Variants in SLC34A2 observed in about 807,000 individuals in gnomAD.
The protein encoded by SLC34A2 is sodium-dependent phosphate transport protein 2B.
A neutral mutation model predicts 50.8 loss-of-function variants in SLC34A2; 41 were observed. That is an observed-to-expected ratio of 0.81 (90% CI 0.63 to 1.05). The LOEUF is 1.05. Among genes scored for constraint, SLC34A2 ranks in the 50% least tolerant of loss-of-function variants. The pLI is 0.00. For missense variants in SLC34A2, 879 were observed against 876.7 expected, an observed-to-expected ratio of 1.00 and a Z score of -0.03; for synonymous variants, 401 against 364.2, an observed-to-expected ratio of 1.10 and a Z score of -1.15.
intron 10 of SLC34A2, 28 bp downstream of exon 10, chr4:25,673,282 C>T (rs746557179): frequency 7.5e-6 from 6 of 795,576 alleles, no homozygotes; most frequent in East Asian, 8.0e-5. Context: ...ACTTGTAGGC[C>T]TCACATGTAG....
Position 25,676,458 on chromosome 4 carries a change from G to T in SLC34A2, c.1782G>T (p.Pro594=). The T allele has an allele frequency of 1.2e-6, 2 of 1,614,186 alleles. No individual in the cohort carries two copies. The highest frequency in any genetic ancestry group is 2.7e-5 in the African/African-American group (2 of 75,040). ...AACTCCAGAACTGGAACTTCCTGCC[G>T]CTGTGGATGCGCTCGCTGAAGCCCT... ...PKKLQNWNFL[P]LWMRSLKPWD... Residue 594 remains proline, a synonymous_variant, in exon 13 of 13, where the codon CCG becomes CCT. Coordinates refer to ENST00000382051, the MANE Select transcript of SLC34A2 (RefSeq NM_006424.3).
chr4:25,662,729 C>T lies in SLC34A2; in HGVS notation c.137C>T (p.Thr46Ile). 2 of 1,614,124 alleles carry T rather than the reference C, an allele frequency of 1.2e-6. No individual in the cohort carries two copies. Among genetic ancestry groups the T allele is most frequent in the Non-Finnish European group, 1.7e-6 (2 of 1,180,028 alleles). Residue 46 changes from threonine to isoleucine, a missense_variant, in exon 3 of 13, where the codon ACC becomes ATC. Transcript: ENST00000382051. The stretch of plus-strand genomic sequence containing the variant: ...GCAGATAACACTGAGGCACCTGTAA[C>T]CAAGATTGAACTTCTGCCGTCCTAC... ...NKTDNTEAPV[T>I]KIELLPSYST...
chr4:25,668,640 T>TCAAAA (rs541385518), intron 6 of SLC34A2, among the ~76,000 whole-genome samples: 1 of 141,418 alleles, frequency 7.1e-6, no homozygotes, highest in African/African-American at 2.6e-5. Context: ...AGACTCCATC[T>TCAAAA]AAAAAAAAAA....
chr4:25,665,163 C>CTTTTT (rs10676891), intron 4 of SLC34A2: 6 of 127,434 alleles, frequency 4.7e-5, no homozygotes, highest in African/African-American at 1.5e-4. Context: ...CTGGACATTG[C>CTTTTT]TTTTTTTTTT....
intron 3 of SLC34A2, among the ~76,000 whole-genome samples, chr4:25,663,785 A>G (rs1381041310): frequency 6.6e-6 from 1 of 152,198 alleles, no homozygotes; most frequent in Non-Finnish European, 1.5e-5. Flanking sequence ...GTGCAGCTGC[A>G]TTCTAGAAAA....
chr4:25,676,901 T>A lies in SLC34A2; in HGVS notation c.*152T>A, dbSNP rs1423104029. 3 of 991,834 alleles carry A rather than the reference T, an allele frequency of 3.0e-6. No homozygotes were observed. The highest frequency in any genetic ancestry group is 2.8e-6 in the Non-Finnish European group (2 of 719,150). 61.4% of individuals were successfully genotyped at this position (991,834 alleles called of 1,614,324 possible). ...CAGTCCTACCTAACTCGATTCCCTT[T>A]GGCTTGGTGGTAGGCCTGCAGGGCA... On this transcript the variant is annotated 3_prime_UTR_variant, in exon 13 of 13. Transcript: ENST00000382051.
chr4:25,676,860 G>T lies in SLC34A2; in HGVS notation c.*111G>T. ...CCTCGAGGAGATTTGCTCCCCATTA[G>T]CGAATGAAATTGATGCAGTCCTACC... is the stretch of plus-strand genomic sequence containing the variant. On this transcript the variant is annotated 3_prime_UTR_variant, in exon 13 of 13. Coordinates refer to ENST00000382051, the MANE Select transcript of SLC34A2 (RefSeq NM_006424.3). 6.7e-7 allele frequency: 1 copy of T among 1,490,762 alleles called. No individual in the cohort carries two copies. Among genetic ancestry groups the T allele is most frequent in the South Asian group, 1.2e-5 (1 of 83,988 alleles). 92.3% of individuals were successfully genotyped at this position (1,490,762 alleles called of 1,614,324 possible).
rs778435287 is a variant in SLC34A2, at chr4:25,674,406, C to T, written c.1327C>T (p.Leu443=). 6 of 1,614,224 alleles carry T rather than the reference C, an allele frequency of 3.7e-6. No individual in the cohort carries two copies. The highest frequency in any genetic ancestry group is 3.3e-5 in the South Asian group (3 of 91,090). ...SSVFTSALTP[L]IGIGVITIER... is the part of the protein sequence containing the mutation. ...TGTGTTCACGTCGGCCTTGACCCCC[C>T]TGATTGGTGAGTTACACCCTGGCTT... is the stretch of plus-strand genomic sequence containing the variant. Residue 443 remains leucine (L), a synonymous_variant, in exon 11 of 13, where the codon CTG becomes TTG. Transcript: ENST00000382051.
At chr4:25,673,339 G>A (rs1714926147) in intron 10 of SLC34A2, 85 bp downstream of exon 10, 9 of 1,243,980 alleles carry the variant, frequency 7.2e-6, no homozygotes, top group South Asian at 2.4e-5. Context: ...TCTAGCAATG[G>A]CCTCTGCATG....
Position 25,676,703 on chromosome 4 carries a change from G to T in SLC34A2, c.2027G>T (p.Gly676Val). ...ATAACCATTAGCAGAGAGGCTCAGGGTGAGGTCCCTGCCTCGGACTCAAAG... is the reference window on the plus strand; with the variant it reads ...ATAACCATTAGCAGAGAGGCTCAGGTTGAGGTCCCTGCCTCGGACTCAAAG... ...DNITISREAQ[G>V]EVPASDSKTE... The change falls in exon 13 of 13, where the codon GGT becomes GTT. Residue 676 changes from glycine to valine, a missense_variant. Gly to Val is a moderately radical substitution (Grantham distance 109, BLOSUM62 -3). Coordinates refer to ENST00000382051, the MANE Select transcript of SLC34A2 (RefSeq NM_006424.3). The T allele has an allele frequency of 3.7e-6, 6 of 1,614,188 alleles. No individual in the cohort carries two copies. The highest frequency in any genetic ancestry group is 5.1e-6 in the Non-Finnish European group (6 of 1,180,018).
rs1553854577 is a variant in SLC34A2 at position 25,668,655 on chromosome 4, A to AT, written c.635+664_635+665insT. On this transcript the variant is annotated intron_variant, in intron 6 of 12. Coordinates refer to ENST00000382051, the MANE Select transcript of SLC34A2 (RefSeq NM_006424.3). The stretch of plus-strand genomic sequence containing the variant: ...AGACTCCATCTAAAAAAAAAAAAAA[A>AT]AATAAATAAATACTGTTTTGTTTGG... Among the ~76,000 whole-genome samples, 44 of 145,604 alleles carry AT rather than the reference A, an allele frequency of 3.0e-4. 1 individual carries two copies. Among genetic ancestry groups the AT allele is most frequent in the African/African-American group, 1.0e-3 (40 of 38,312 alleles).
intron 1 of SLC34A2, among the ~76,000 whole-genome samples, chr4:25,658,889 C>A (rs1460060655): frequency 2.6e-5 from 4 of 151,088 alleles, no homozygotes; most frequent in South Asian, 2.1e-4. Flanking sequence ...CTGCCTGCAC[C>A]ATTTAATACC....
Position 25,664,242 on chromosome 4 carries a change from G to A in SLC34A2, c.291G>A (p.Gly97=), listed in dbSNP as rs777508093. The A allele has an allele frequency of 6.2e-7, 1 of 1,612,942 alleles. No homozygotes were observed. Among genetic ancestry groups the A allele is most frequent in the Non-Finnish European group, 8.5e-7 (1 of 1,179,110 alleles). ...GGAAGATTCTCTGTTTCTTCCAAGGGATTGGGAGATTGATTTTACTTCTCG... is the reference window on the plus strand; with the variant it reads ...GGAAGATTCTCTGTTTCTTCCAAGGAATTGGGAGATTGATTTTACTTCTCG... ...TKGKILCFFQ[G]IGRLILLLGF... is the part of the protein sequence containing the mutation. The change falls in exon 4 of 13, where the codon GGG becomes GGA. Residue 97 remains glycine (G), a synonymous_variant. Transcript: ENST00000382051.
Position 25,664,211 on chromosome 4 carries a change from C to A in SLC34A2, c.260C>A (p.Thr87Asn). The change falls in exon 4 of 13, where the codon ACC (threonine) becomes AAC (asparagine). Residue 87 changes from threonine (T) to asparagine (N), a missense_variant. Thr to Asn is a moderately conservative substitution (Grantham distance 65). Coordinates refer to ENST00000382051, the MANE Select transcript of SLC34A2 (RefSeq NM_006424.3). ...DSGIKWSERDTKGKILCFFQG... is the reference protein window; with the variant it reads ...DSGIKWSERDNKGKILCFFQG... ...TCCCACCCCCCTGCAGAGAGAGACA[C>A]CAAAGGGAAGATTCTCTGTTTCTTC... 1 of 1,611,206 alleles carries A rather than the reference C, an allele frequency of 6.2e-7. No individual in the cohort carries two copies. Among genetic ancestry groups the A allele is most frequent in the East Asian group, 2.2e-5 (1 of 44,810 alleles).
intron 10 of SLC34A2, among the ~76,000 whole-genome samples, chr4:25,673,561 C>CA (rs1482319764): frequency 6.6e-6 from 1 of 152,088 alleles, no homozygotes; most frequent in African/African-American, 2.4e-5. Context: ...CTGGCTCTGT[C>CA]AAGACCCCTT....
At chr4:25,665,679 G>C (rs1714458901) in intron 4 of SLC34A2, among the ~76,000 whole-genome samples, 1 of 151,062 alleles carries the variant, frequency 6.6e-6, no homozygotes, top group East Asian at 2.0e-4. Flanking sequence ...AGGGTGGATA[G>C]AGAGATCTAC....
At chr4:25,667,232 C>T (rs952170012) in intron 5 of SLC34A2, 2 of 153,116 alleles carry the variant, frequency 1.3e-5, no homozygotes, top group African/African-American at 4.8e-5. Flanking sequence ...TGCTTCCTGG[C>T]TGGGCCTAGT....
intron 4 of SLC34A2, among the ~76,000 whole-genome samples, chr4:25,665,436 G>A (rs1283147901): frequency 6.6e-6 from 1 of 152,044 alleles, no homozygotes; most frequent in African/African-American, 2.4e-5. Context: ...CCGAAGTGCT[G>A]GGATTACAGG....
At position 25,676,097 on chromosome 4, in the gene SLC34A2, C is replaced by T. The variant is rs781079283; in HGVS notation, c.1459-38C>T. On this transcript the variant is annotated intron_variant, in intron 12 of 12. Transcript: ENST00000382051. Reference sequence around the variant, plus strand: ...CCTCCCTACTGCCACCCGCATTGGGCAACAGGCCCCTCACCTGTCCAACCT... The same window carrying T: ...CCTCCCTACTGCCACCCGCATTGGGTAACAGGCCCCTCACCTGTCCAACCT... 98 of 1,612,226 alleles carry T rather than the reference C, an allele frequency of 6.1e-5. 2 individuals carry two copies. The highest frequency in any genetic ancestry group is 5.0e-4 in the Middle Eastern group (3 of 6,058).
Sources: allele counts gnomAD v4.1 joint callset (sites outside exome capture counted in the v4.1 genomes callset), GRCh38; gene constraint gnomAD v4.1.1; transcripts MANE v1.5; gene names NCBI Gene and HGNC (gene_info 2026-07-23, HGNC 2026-07-21).